Variants in ADAMTS17 observed in about 807,000 individuals in gnomAD.
ADAMTS17 encodes the protein A disintegrin and metalloproteinase with thrombospondin motifs 17.
Under a neutral mutation model 141.5 loss-of-function variants are expected in ADAMTS17, and 113 were observed. That is an observed-to-expected ratio of 0.80 (90% confidence interval 0.69 to 0.93). The LOEUF is 0.93. ADAMTS17 is among the 40% of genes least tolerant of loss of function. The pLI is 0.00. For missense variants in ADAMTS17, 1,659 were observed against 1,517.9 expected (o/e 1.09, Z -1.54); for synonymous variants, 768 against 630.6 (o/e 1.22, Z -3.27).
chr15:100,014,316 T>C (rs1418050523), intron 18 of ADAMTS17, among the ~76,000 whole-genome samples: 6 of 152,164 alleles, frequency 3.9e-5, no homozygotes, highest in Admixed American at 1.3e-4. Flanking sequence ...CCAATTTTAT[T>C]TATCTTTTCA....
chr15:100,251,315 CAT>C (rs1423811686), intron 7 of ADAMTS17, among the ~76,000 whole-genome samples: 2 of 152,206 alleles, frequency 1.3e-5, no homozygotes, highest in African/African-American at 4.8e-5. Context: ...TCCCTAGTAA[CAT>C]GTGACAAAGT....
intron 18 of ADAMTS17, among the ~76,000 whole-genome samples, chr15:100,026,150 C>G (rs1365687002): frequency 6.6e-6 from 1 of 152,228 alleles, no homozygotes; most frequent in African/African-American, 2.4e-5. Flanking sequence ...TATAAATGAA[C>G]TCACAGAGCA....
At chr15:100,131,861 T>C in intron 12 of ADAMTS17, 146 bp downstream of exon 12, 1 of 1,227,544 alleles carries the variant, frequency 8.1e-7, no homozygotes. Context: ...ACGAGGTCCC[T>C]GCACCCTGGA....
At chr15:100,335,359 T>A (rs1044973027) in intron 2 of ADAMTS17, among the ~76,000 whole-genome samples, 21 of 152,122 alleles carry the variant, frequency 1.4e-4, no homozygotes, top group Non-Finnish European at 2.6e-4. Flanking sequence ...ATGGGTCCCT[T>A]ATCTCAGGAC....
intron 7 of ADAMTS17, among the ~76,000 whole-genome samples, chr15:100,249,824 G>A (rs1596360321): frequency 6.6e-6 from 1 of 152,284 alleles, no homozygotes; most frequent in East Asian, 1.9e-4. Context: ...ACTGAGATCT[G>A]AAATCTATTT....
At chr15:100,169,701 G>A (rs1359914539) in intron 8 of ADAMTS17, among the ~76,000 whole-genome samples, 1 of 152,202 alleles carries the variant, frequency 6.6e-6, no homozygotes, top group Non-Finnish European at 1.5e-5. Context: ...GTGGAGGCTG[G>A]GAGCCCTCAG....
At position 100,196,722 on chromosome 15, in the gene ADAMTS17, C is replaced by T. The variant is rs189570690; in HGVS notation, c.1181+2596G>A. Reference sequence around the variant, plus strand: ...TCCGGTTTCGTGTCTGTGAAACAGCCTGGCCGGTGGCTTTGCTGAGAGTGC... The same window carrying T: ...TCCGGTTTCGTGTCTGTGAAACAGCTTGGCCGGTGGCTTTGCTGAGAGTGC... On this transcript the variant is annotated intron_variant, in intron 8 of 21. Transcript: ENST00000268070. Among the ~76,000 whole-genome samples, 5 of 152,358 alleles carry T rather than the reference C, an allele frequency of 3.3e-5. No homozygotes were observed. In the East Asian group the frequency reaches 9.6e-4, roughly 29 times the overall value.
At chr15:100,217,555 T>C (rs965023395) in intron 7 of ADAMTS17, among the ~76,000 whole-genome samples, 6 of 152,136 alleles carry the variant, frequency 3.9e-5, no homozygotes, top group African/African-American at 7.2e-5. Flanking sequence ...GCCGAGATCA[T>C]GCCATTGCAC....
chr15:100,070,441 T>TCA (rs2033883687), intron 15 of ADAMTS17, among the ~76,000 whole-genome samples: 1 of 150,228 alleles, frequency 6.7e-6, no homozygotes, highest in Non-Finnish European at 1.5e-5. Flanking sequence ...GAATATACAT[T>TCA]CTTCTCAGCA....
At chr15:100,300,043 A>G (rs2044973662) in intron 3 of ADAMTS17, among the ~76,000 whole-genome samples, 1 of 152,172 alleles carries the variant, frequency 6.6e-6, no homozygotes, top group African/African-American at 2.4e-5. Context: ...GAATAAAGCA[A>G]TCCTTCAGTC....
chr15:100,293,056 C>T (rs2044697742), intron 3 of ADAMTS17, among the ~76,000 whole-genome samples: 1 of 152,122 alleles, frequency 6.6e-6, no homozygotes, highest in South Asian at 2.1e-4. Context: ...TTCGAAAATG[C>T]CAAAGGGCCT....
At chr15:100,076,144 G>C (rs1164077558) in intron 15 of ADAMTS17, among the ~76,000 whole-genome samples, 2 of 152,094 alleles carry the variant, frequency 1.3e-5, no homozygotes, top group Non-Finnish European at 2.9e-5. Flanking sequence ...CCGGGTTCAA[G>C]CAATTCTCCT....
chr15:100,289,421 G>A (rs1471697274), intron 3 of ADAMTS17, among the ~76,000 whole-genome samples: 1 of 152,110 alleles, frequency 6.6e-6, no homozygotes, highest in African/African-American at 2.4e-5. Context: ...AGAAGAGCTG[G>A]TACCATTCCT....
chr15:100,073,938 T>C (rs960176010), intron 15 of ADAMTS17: 2 of 152,134 alleles, frequency 1.3e-5, no homozygotes, highest in African/African-American at 4.8e-5. Context: ...CTGATTTCTA[T>C]GTATTAATTT....
chr15:100,084,333 A>C (rs1188164528), intron 15 of ADAMTS17, among the ~76,000 whole-genome samples: 1 of 152,228 alleles, frequency 6.6e-6, no homozygotes, highest in East Asian at 1.9e-4. Flanking sequence ...GTAGGTAAAC[A>C]AAGCCGCCGG....
At chr15:100,061,667 G>A (rs775211030) in intron 15 of ADAMTS17, among the ~76,000 whole-genome samples, 5 of 152,200 alleles carry the variant, frequency 3.3e-5, no homozygotes, top group Non-Finnish European at 7.3e-5. Flanking sequence ...CACTCCTATC[G>A]CCAGACACTC....
chr15:100,025,580 T>A (rs772389930), intron 18 of ADAMTS17, among the ~76,000 whole-genome samples: 10 of 151,750 alleles, frequency 6.6e-5, no homozygotes, highest in Non-Finnish European at 1.2e-4. Context: ...CCCAGCTAAT[T>A]TTTTTGTATT....
At chr15:100,213,265 GCTCT>G (rs1283795269) in intron 7 of ADAMTS17, among the ~76,000 whole-genome samples, 5 of 152,152 alleles carry the variant, frequency 3.3e-5, no homozygotes, top group East Asian at 3.9e-4. Flanking sequence ...AATGTAACAA[GCTCT>G]CTCTGTTTTC....
At chr15:99,996,519 A>T (rs749721605) in intron 19 of ADAMTS17, among the ~76,000 whole-genome samples, 36 of 152,254 alleles carry the variant, frequency 2.4e-4, no homozygotes, top group Non-Finnish European at 4.8e-4. Flanking sequence ...AGGACTAAAA[A>T]TCCTGATCTA....
Sources: allele counts gnomAD v4.1 joint callset (sites outside exome capture counted in the v4.1 genomes callset), GRCh38; gene constraint gnomAD v4.1.1; transcripts MANE v1.5; gene names NCBI Gene and HGNC (gene_info 2026-07-23, HGNC 2026-07-21).